Variants in TSPAN11 observed in about 807,000 individuals in gnomAD.
The protein encoded by TSPAN11 is tetraspanin-11.
In TSPAN11, 29 loss-of-function variants were observed where a neutral mutation model predicts 32.9. The observed-to-expected ratio is 0.88, with a 90% CI of 0.66 to 1.20. The LOEUF (loss-of-function observed/expected upper bound fraction) is 1.20. Among genes scored for constraint, TSPAN11 ranks in the 50% most tolerant of loss-of-function variants. The probability of loss-of-function intolerance (pLI) is 0.00; values close to 1 mark genes in which losing one functional copy is unlikely to be tolerated. For missense variants in TSPAN11, 283 were observed against 329.1 expected (o/e 0.86, Z 1.08); for synonymous variants, 140 against 141.3 (o/e 0.99, Z 0.07).
intron 1 of TSPAN11, among the ~76,000 whole-genome samples, chr12:30,952,879 T>A (rs1938408955): frequency 6.6e-6 from 1 of 152,062 alleles, no homozygotes; most frequent in Non-Finnish European, 1.5e-5. Context: ...GTTCCCAAAA[T>A]GGGGGTAATT....
At chr12:30,991,749 C>G (rs1390672781) in intron 7 of TSPAN11, 107 bp from the exon 8 acceptor site, 3 of 1,229,724 alleles carry the variant, frequency 2.4e-6, no homozygotes, top group African/African-American at 3.0e-5. Context: ...GCCCTTTGCC[C>G]AGGCCCCAGG....
At chr12:30,970,140 G>A (rs1047559018) in intron 3 of TSPAN11, among the ~76,000 whole-genome samples, 2 of 152,186 alleles carry the variant, frequency 1.3e-5, no homozygotes, top group Non-Finnish European at 2.9e-5. Context: ...AGGGCACTGG[G>A]AGGAAGTAGC....
In TSPAN11 at chr12:30,994,507, C is replaced by A. The variant is rs1939379654; in HGVS notation, c.*2592C>A. 6.6e-6 allele frequency: 1 copy of A among 152,254 alleles called. No individual in the cohort carries two copies. Among genetic ancestry groups the A allele is most frequent in the Admixed American group, 6.5e-5 (1 of 15,280 alleles). The allele number at this position is 152,254 out of a possible 1,614,324, so 9.4% of individuals were successfully genotyped here. ...TCCATGCTGCCCTTCCCTGAGCTCG[C>A]AGGGGCAGACACCAAGAGAAGGGCG... is the stretch of plus-strand genomic sequence containing the variant. On this transcript the variant is annotated 3_prime_UTR_variant, in exon 8 of 8. Coordinates refer to ENST00000546076, the MANE Select transcript of TSPAN11 (RefSeq NM_001370302.1).
rs143801171 is a variant in TSPAN11, at chr12:30,991,857, T to A, written c.704T>A (p.Ile235Asn). 6.2e-7 allele frequency: 1 copy of A among 1,614,188 alleles called. No homozygotes were observed. The highest frequency in any genetic ancestry group is 1.1e-5 in the South Asian group (1 of 91,080). The change falls in exon 8 of 8, where the codon ATC becomes AAC. Residue 235 changes from isoleucine (I) to asparagine (N), a missense_variant and splice_region_variant. Ile to Asn is a moderately radical substitution (Grantham distance 149). Coordinates refer to ENST00000546076, the MANE Select transcript of TSPAN11 (RefSeq NM_001370302.1). ...TCCTCTGCTCTCTCCACCTGGCAGA[T>A]CTGCGGGATGGTTCTCACCTGCTGC... ...AVGIGVACLQICGMVLTCCLH... is the reference protein window; with the variant it reads ...AVGIGVACLQNCGMVLTCCLH...
chr12:30,977,383 C>G (rs1175479258), intron 3 of TSPAN11, among the ~76,000 whole-genome samples: 1 of 152,228 alleles, frequency 6.6e-6, no homozygotes, highest in Non-Finnish European at 1.5e-5. Context: ...ACAGGCTGGG[C>G]CTTCCCTAGA....
At chr12:30,966,536 T>C (rs1407525282) in intron 3 of TSPAN11, among the ~76,000 whole-genome samples, 1 of 152,228 alleles carries the variant, frequency 6.6e-6, no homozygotes, top group East Asian at 1.9e-4. Context: ...ATTTTCCAGA[T>C]GAAGAAACTG....
rs995929888 is a variant in TSPAN11 at position 30,992,198 on chromosome 12, G to A, written c.*283G>A. The A allele has an allele frequency of 1.5e-5, 8 of 521,488 alleles. No homozygotes were observed. The highest frequency in any genetic ancestry group is 5.7e-5 in the African/African-American group (3 of 52,376). The allele number at this position is 521,488 out of a possible 1,614,324, so 32.3% of individuals were successfully genotyped here. A position where few individuals can be genotyped will look rare whatever the true frequency, so the allele number is the denominator to read the frequency against. On this transcript the variant is annotated 3_prime_UTR_variant, in exon 8 of 8. Coordinates refer to ENST00000546076, the MANE Select transcript of TSPAN11 (RefSeq NM_001370302.1). ...ACCAGAGCCCCTCACCAGGAACGGGGGCACCCGTGGACTACGGGAGGGTGG... is the reference window on the plus strand; with the variant it reads ...ACCAGAGCCCCTCACCAGGAACGGGAGCACCCGTGGACTACGGGAGGGTGG...
At chr12:30,940,034 G>A (rs1393450263) in intron 1 of TSPAN11, among the ~76,000 whole-genome samples, 1 of 152,210 alleles carries the variant, frequency 6.6e-6, no homozygotes, top group African/African-American at 2.4e-5. Flanking sequence ...AAAAAGACGG[G>A]AAATCCCTGG....
chr12:30,978,684 G>T, intron 4 of TSPAN11, 49 bp downstream of exon 4: 7 of 1,593,690 alleles, frequency 4.4e-6, no homozygotes, highest in Non-Finnish European at 6.0e-6. Flanking sequence ...TCCTGAAGAA[G>T]CAATGTGGGT....
chr12:30,947,590 C>G (rs985520195), intron 1 of TSPAN11, among the ~76,000 whole-genome samples: 1 of 152,118 alleles, frequency 6.6e-6, no homozygotes, highest in Non-Finnish European at 1.5e-5. Context: ...AACAGAAACC[C>G]CGATAAACCC....
chr12:30,969,281 T>C (rs741505), intron 3 of TSPAN11, among the ~76,000 whole-genome samples: 25,791 of 152,120 alleles, frequency 0.17, 2,279 homozygotes, highest in Middle Eastern at 0.2. Flanking sequence ...CCCTGGCTCG[T>C]TTCTTACCTA....
At chr12:31,016,097 C>A in the TSPAN11 span, among the ~76,000 whole-genome samples, 1 of 152,152 alleles carries the variant, frequency 6.6e-6, no homozygotes, top group African/African-American at 2.4e-5. Flanking sequence ...GGCAACATAA[C>A]GAGACCACGT....
In TSPAN11 at chr12:30,992,241, C is replaced by T; in HGVS notation, c.*326C>T. 2.4e-6 allele frequency: 1 copy of T among 411,758 alleles called. No individual in the cohort carries two copies. The highest frequency in any genetic ancestry group is 4.5e-6 in the Non-Finnish European group (1 of 223,210). The allele number at this position is 411,758 out of a possible 1,614,324, so 25.5% of individuals were successfully genotyped here. A position where few individuals can be genotyped will look rare whatever the true frequency, so the allele number is the denominator to read the frequency against. ...GAGGGTGGCGGTTGGGTTCTCTGCT[C>T]CCTCCCAGCTCCTGAACCTGGAACA... On this transcript the variant is annotated 3_prime_UTR_variant, in exon 8 of 8. Transcript: ENST00000546076.
downstream of TSPAN11, among the ~76,000 whole-genome samples, chr12:31,000,918 A>G (rs1170842628): frequency 6.6e-6 from 1 of 152,150 alleles, no homozygotes; most frequent in African/African-American, 2.4e-5. Context: ...TCTCCCACCA[A>G]TAAATCTAGT....
chr12:30,974,415 T>C (rs1183300785), intron 3 of TSPAN11, among the ~76,000 whole-genome samples: 3 of 152,224 alleles, frequency 2.0e-5, no homozygotes, highest in Non-Finnish European at 4.4e-5. Context: ...AAATACCCAC[T>C]GGTTGCAAAA....
chr12:30,963,592 C>G (rs183169245), intron 2 of TSPAN11, among the ~76,000 whole-genome samples: 1 of 152,224 alleles, frequency 6.6e-6, no homozygotes, highest in Non-Finnish European at 1.5e-5. Context: ...AATTCACAGT[C>G]GGACCTGGAT....
intron 3 of TSPAN11, among the ~76,000 whole-genome samples, chr12:30,966,671 G>A (rs1938739942): frequency 6.6e-6 from 1 of 152,238 alleles, no homozygotes; most frequent in Non-Finnish European, 1.5e-5. Flanking sequence ...GGGACCAGAG[G>A]CCAAGGGGGA....
At chr12:30,959,884 A>C (rs548813691) in intron 2 of TSPAN11, among the ~76,000 whole-genome samples, 6 of 151,638 alleles carry the variant, frequency 4.0e-5, no homozygotes, top group Non-Finnish European at 5.9e-5. Context: ...GAGGCCATGC[A>C]AAAGAGTTTT....
At chr12:31,004,957 C>T in the TSPAN11 span, among the ~76,000 whole-genome samples, 1 of 152,224 alleles carries the variant, frequency 6.6e-6, no homozygotes, top group South Asian at 2.1e-4. Flanking sequence ...ACTCCTCTCT[C>T]CACCTGCCTC....
Sources: gnomAD v4.1 joint callset for allele counts (sites outside exome capture counted in the v4.1 genomes callset) on GRCh38, gnomAD v4.1.1 for gene constraint, MANE v1.5 for transcripts, NCBI Gene and HGNC (gene_info 2026-07-23, HGNC 2026-07-21) for gene names.